DCC: variants seen among roughly 807,000 people sequenced by gnomAD.
The protein encoded by DCC is DCC netrin 1 receptor, also known as netrin receptor DCC.
In DCC, 58 loss-of-function variants were observed where a neutral mutation model predicts 172.5. That is an observed-to-expected ratio of 0.34 (90% CI 0.27 to 0.42). The LOEUF is 0.42. Among genes scored for constraint, DCC ranks in the 10% least tolerant of loss-of-function variants. DCC has a pLI of 1.00. For missense variants in DCC, 1,740 were observed against 1,791.0 expected, an observed-to-expected ratio of 0.97 and a Z score of 0.51; for synonymous variants, 709 against 644.5, an observed-to-expected ratio of 1.10 and a Z score of -1.52.
At chr18:53,299,364 C>G (rs760972354) in intron 12 of DCC, among the ~76,000 whole-genome samples, 5 of 152,120 alleles carry the variant, frequency 3.3e-5, no homozygotes, top group Non-Finnish European at 5.9e-5. Flanking sequence ...TTTTCCTTAT[C>G]CTATATATCC....
At chr18:52,400,635 A>T (rs1986399020) in intron 1 of DCC, among the ~76,000 whole-genome samples, 1 of 152,126 alleles carries the variant, frequency 6.6e-6, no homozygotes, top group Non-Finnish European at 1.5e-5. Context: ...CTATAAAGAC[A>T]CATGAACATG....
At chr18:52,745,797 C>T (rs368181615) in intron 1 of DCC, among the ~76,000 whole-genome samples, 19 of 152,304 alleles carry the variant, frequency 1.2e-4, no homozygotes, top group Middle Eastern at 3.4e-3. Flanking sequence ...TATCCCCTCC[C>T]TACCCTTCCC....
chr18:53,121,514 C>T (rs1375716723), intron 7 of DCC, among the ~76,000 whole-genome samples: 1 of 151,856 alleles, frequency 6.6e-6, no homozygotes, highest in African/African-American at 2.4e-5. Context: ...CAATCATACG[C>T]ATGTCTTTGG....
At chr18:52,940,019 C>G (rs1240862525) in intron 5 of DCC, among the ~76,000 whole-genome samples, 4 of 152,168 alleles carry the variant, frequency 2.6e-5, no homozygotes, top group Non-Finnish European at 5.9e-5. Context: ...AATGAAAATT[C>G]ACTGGCCTCA....
intron 5 of DCC, among the ~76,000 whole-genome samples, chr18:52,966,623 G>A (rs756929399): frequency 3.3e-5 from 5 of 152,050 alleles, no homozygotes; most frequent in Non-Finnish European, 7.4e-5. Flanking sequence ...ATTCTTGGGG[G>A]CTTTTCTCCA....
chr18:52,753,001 ATATATATATATATCT>A (rs1303232448), intron 2 of DCC, among the ~76,000 whole-genome samples: 1 of 124,418 alleles, frequency 8.0e-6, no homozygotes, highest in Non-Finnish European at 1.5e-5. Context: ...ACACACACAC[ATATATATATATATCT>A]CATATTTTCT....
chr18:53,065,830 G>T (rs1042166551), intron 6 of DCC, among the ~76,000 whole-genome samples: 1 of 152,100 alleles, frequency 6.6e-6, no homozygotes, highest in Non-Finnish European at 1.5e-5. Context: ...TGCAGATCTA[G>T]GTTAAACTGA....
At chr18:53,005,270 C>T (rs1232227912) in intron 5 of DCC, among the ~76,000 whole-genome samples, 1 of 152,162 alleles carries the variant, frequency 6.6e-6, no homozygotes, top group Non-Finnish European at 1.5e-5. Context: ...CTGAAGAATT[C>T]AATTCTGTTG....
intron 9 of DCC, among the ~76,000 whole-genome samples, chr18:53,195,575 T>G (rs2055431123): frequency 6.6e-6 from 1 of 152,222 alleles, no homozygotes; most frequent in Non-Finnish European, 1.5e-5. Context: ...AAACCTCATA[T>G]CTGAAGCCTT....
intron 1 of DCC, among the ~76,000 whole-genome samples, chr18:52,571,531 C>T (rs921169889): frequency 6.6e-6 from 1 of 152,172 alleles, no homozygotes; most frequent in Non-Finnish European, 1.5e-5. Flanking sequence ...TAACTTCACA[C>T]TAGAATTCCA....
chr18:52,521,054 C>T (rs1163348951), intron 1 of DCC, among the ~76,000 whole-genome samples: 2 of 151,786 alleles, frequency 1.3e-5, no homozygotes, highest in East Asian at 3.9e-4. Context: ...TATTTAAAGC[C>T]AAAAATTCTG....
chr18:52,847,809 A>C (rs893467003), intron 2 of DCC, among the ~76,000 whole-genome samples: 1 of 152,224 alleles, frequency 6.6e-6, no homozygotes, highest in Non-Finnish European at 1.5e-5. Flanking sequence ...GACGTACCCT[A>C]GTTGAATGGT....
At chr18:53,396,148 A>T (rs1315474135) in intron 17 of DCC, among the ~76,000 whole-genome samples, 2 of 152,180 alleles carry the variant, frequency 1.3e-5, no homozygotes, top group Non-Finnish European at 2.9e-5. Flanking sequence ...TAGTAAGGGT[A>T]AGATACGTAT....
chr18:53,175,096 T>A (rs371969958), intron 8 of DCC, among the ~76,000 whole-genome samples: 1 of 152,072 alleles, frequency 6.6e-6, no homozygotes, highest in Non-Finnish European at 1.5e-5. Flanking sequence ...TCTCAATAGA[T>A]GCAGAAAAAG....
At chr18:52,877,704 T>TA (rs35330118) in intron 2 of DCC, among the ~76,000 whole-genome samples, 2,723 of 148,782 alleles carry the variant, frequency 0.018, 62 homozygotes, top group African/African-American at 0.049. Flanking sequence ...TGAGACAATA[T>TA]AAAAAAAAAA....
chr18:52,589,856 T>C lies in DCC; in HGVS notation c.92-162198T>C, dbSNP rs188243670. On this transcript the variant is annotated intron_variant, in intron 1 of 28. Transcript: ENST00000442544. ...TGGTAGAGCCAACATAGATAAGTTC[T>C]GAGATATTGCACAGTTTGTATAAAT... Among the ~76,000 whole-genome samples the C allele has an allele frequency of 8.5e-5, 13 of 152,312 alleles. No individual in the cohort carries two copies. The East Asian group carries it at 2.1e-3, about 25-fold the overall frequency.
At chr18:52,813,385 A>G (rs2038234797) in intron 2 of DCC, among the ~76,000 whole-genome samples, 2 of 152,204 alleles carry the variant, frequency 1.3e-5, no homozygotes, top group Admixed American at 1.3e-4. Flanking sequence ...GGGAGGGGGA[A>G]CAGTACAGAA....
chr18:52,668,487 G>C (rs1369607893), intron 1 of DCC, among the ~76,000 whole-genome samples: 3 of 152,118 alleles, frequency 2.0e-5, no homozygotes, highest in African/African-American at 7.2e-5. Flanking sequence ...TTCACAAGAT[G>C]ATCTCTCATC....
chr18:53,198,286 C>T (rs1352244671), intron 9 of DCC, among the ~76,000 whole-genome samples: 1 of 152,072 alleles, frequency 6.6e-6, no homozygotes, highest in Non-Finnish European at 1.5e-5. Context: ...ATACATATTA[C>T]AACTTTTAAT....
Sources: gnomAD v4.1 joint callset for allele counts (sites outside exome capture counted in the v4.1 genomes callset) on GRCh38, gnomAD v4.1.1 for gene constraint, MANE v1.5 for transcripts, NCBI Gene and HGNC (gene_info 2026-07-23, HGNC 2026-07-21) for gene names.